TOM1: variants seen among roughly 807,000 people sequenced by gnomAD.
TOM1 encodes the protein target of myb1 membrane trafficking protein.
A neutral mutation model predicts 61.3 loss-of-function variants in TOM1; 38 were observed. The ratio of observed to expected loss-of-function variants is 0.62; its 90% CI spans 0.48 to 0.81. The LOEUF (loss-of-function observed/expected upper bound fraction) is 0.81. Ranked by LOEUF, TOM1 falls within the 40% of genes least tolerant of loss-of-function variation. TOM1 has a pLI of 0.00. For synonymous variants in TOM1, 270 were observed against 268.8 expected (o/e 1.00, Z -0.04); for missense variants, 591 against 659.6 (o/e 0.90, Z 1.14).
chr22:35,323,032 T>C lies in TOM1; in HGVS notation c.221T>C (p.Leu74Ser). The C allele has an allele frequency of 6.2e-7, 1 of 1,614,026 alleles. No homozygotes were observed. Among genetic ancestry groups the C allele is most frequent in the Non-Finnish European group, 8.5e-7 (1 of 1,180,020 alleles). Residue 74 changes from leucine (L) to serine (S), a missense_variant, in exon 4 of 15, where the codon TTA becomes TCA. By Grantham distance (145) the Leu-to-Ser change is moderately radical (BLOSUM62 -2). Coordinates refer to ENST00000449058, the MANE Select transcript of TOM1 (RefSeq NM_005488.3). This position sits in a 1 kb window ranked among gnomAD's most constrained non-coding sequence, Gnocchi z 4.2. ...CGGCACCTCTCGGCCCTCCAGGTCTTAGAAACCTGTGTCAAGAACTGCGGG... is the reference window on the plus strand; with the variant it reads ...CGGCACCTCTCGGCCCTCCAGGTCTCAGAAACCTGTGTCAAGAACTGCGGG... ...FHEVMLALTV[L>S]ETCVKNCGHR...
chr22:35,313,960 G>A (rs1927064431), intron 1 of TOM1, among the ~76,000 whole-genome samples: 1 of 152,242 alleles, frequency 6.6e-6, no homozygotes. Context: ...CATTCTCTTG[G>A]TAACTGGCAA....
intron 2 of TOM1, among the ~76,000 whole-genome samples, chr22:35,320,454 C>T (rs1188264513): frequency 6.6e-6 from 1 of 152,082 alleles, no homozygotes; most frequent in African/African-American, 2.4e-5. Flanking sequence ...ACACCGTGAC[C>T]CCTAGGCTTC....
At chr22:35,313,112 C>G (rs1435589036) in intron 1 of TOM1, among the ~76,000 whole-genome samples, 1 of 152,020 alleles carries the variant, frequency 6.6e-6, no homozygotes, top group Non-Finnish European at 1.5e-5. Flanking sequence ...TTTGGGAGGC[C>G]AAGGCGGGTG....
Position 35,340,601 on chromosome 22 carries a change from T to G in TOM1, c.1224+1813T>G, listed in dbSNP as rs5995089. On this transcript the variant is annotated intron_variant, in intron 12 of 14. Coordinates refer to ENST00000449058, the MANE Select transcript of TOM1 (RefSeq NM_005488.3). ...ATCTCTACAAAATATTTAAAAATTATCCGGGCATGGTGGCGCACACCTTTA... is the reference window on the plus strand; with the variant it reads ...ATCTCTACAAAATATTTAAAAATTAGCCGGGCATGGTGGCGCACACCTTTA... 8.2e-4 allele frequency among the ~76,000 whole-genome samples: 125 copies of G among 152,066 alleles called. 1 individual carries two copies. Among genetic ancestry groups the G allele is most frequent in the African/African-American group, 2.8e-3 (118 of 41,468 alleles).
intron 8 of TOM1, chr22:35,331,504 G>A (rs1245528653): frequency 6.1e-6 from 2 of 330,536 alleles, no homozygotes; most frequent in African/African-American, 4.4e-5. Context: ...GGGTATGGGA[G>A]AGGGCCCTTT....
intron 1 of TOM1, among the ~76,000 whole-genome samples, chr22:35,308,693 C>T (rs1926561786): frequency 6.6e-6 from 1 of 152,198 alleles, no homozygotes; most frequent in South Asian, 2.1e-4. Flanking sequence ...AAAACAAATG[C>T]CATCTGTACC....
intron 12 of TOM1, among the ~76,000 whole-genome samples, chr22:35,340,292 G>A (rs1929768382): frequency 6.6e-6 from 1 of 152,192 alleles, no homozygotes; most frequent in Non-Finnish European, 1.5e-5. Context: ...CATGGGGTTG[G>A]GGGTAGGAAG....
chr22:35,317,957 G>A lies in TOM1; in HGVS notation c.133G>A (p.Glu45Lys). Residue 45 changes from glutamate to lysine, a missense_variant, in exon 2 of 15, where the codon GAA becomes AAA. Coordinates refer to ENST00000449058, the MANE Select transcript of TOM1 (RefSeq NM_005488.3). Reference protein sequence around the residue: ...EICDIINETEEGPKDALRAVK... With the variant: ...EICDIINETEKGPKDALRAVK... ...CTGCGACATCATCAACGAGACGGAG[G>A]AAGGGTAAGGGCCCCCCAAGGAGAG... 6.2e-7 allele frequency: 1 copy of A among 1,613,990 alleles called. No homozygotes were observed. Among genetic ancestry groups the A allele is most frequent in the Non-Finnish European group, 8.5e-7 (1 of 1,179,876 alleles).
intron 1 of TOM1, among the ~76,000 whole-genome samples, chr22:35,303,429 A>T (rs1409028051): frequency 6.6e-6 from 1 of 151,576 alleles, no homozygotes; most frequent in Non-Finnish European, 1.5e-5. Context: ...GTCCTCTGAG[A>T]GTGTCTCGCA....
intron 3 of TOM1, chr22:35,322,551 C>T (rs1927888993): frequency 5.2e-6 from 1 of 190,708 alleles, no homozygotes; most frequent in South Asian, 1.2e-4. Context: ...GTCCCACCCT[C>T]CTCCACAAGC....
At chr22:35,315,067 G>A (rs1207611882) in intron 1 of TOM1, among the ~76,000 whole-genome samples, 3 of 152,204 alleles carry the variant, frequency 2.0e-5, no homozygotes, top group African/African-American at 7.2e-5. Context: ...GGGCAGGAAG[G>A]ACACTGTCAT....
intron 1 of TOM1, among the ~76,000 whole-genome samples, chr22:35,312,926 G>A (rs1376174791): frequency 6.6e-6 from 1 of 152,222 alleles, no homozygotes; most frequent in Non-Finnish European, 1.5e-5. Flanking sequence ...GGAGGTGACA[G>A]TGCAGGCCTG....
At chr22:35,308,905 T>C (rs977664474) in intron 1 of TOM1, among the ~76,000 whole-genome samples, 1 of 152,062 alleles carries the variant, frequency 6.6e-6, no homozygotes, top group South Asian at 2.1e-4. Context: ...TTAAAAAAAA[T>C]ACAGGGGAGA....
At chr22:35,333,698 G>A (rs560411674) in intron 10 of TOM1, among the ~76,000 whole-genome samples, 5 of 152,092 alleles carry the variant, frequency 3.3e-5, no homozygotes, top group East Asian at 1.9e-4. Flanking sequence ...GTCCTGAGCC[G>A]CCTTGGATCT....
chr22:35,310,101 G>GT (rs1370270501), intron 1 of TOM1, among the ~76,000 whole-genome samples: 2 of 152,256 alleles, frequency 1.3e-5, no homozygotes, highest in African/African-American at 4.8e-5. Context: ...AATGTGGCGT[G>GT]TGGGTTCCCA....
chr22:35,334,455 G>A lies in TOM1; in HGVS notation c.1148+7G>A, dbSNP rs1483999015. 3 of 1,613,784 alleles carry A rather than the reference G, an allele frequency of 1.9e-6. No individual in the cohort carries two copies. The highest frequency in any genetic ancestry group is 4.5e-5 in the East Asian group (2 of 44,884). ...TGGCTGACCAACGGAAAGAGTGAGT[G>A]GCCTGGCCCTGCCCTGGTCCCCTGC... On this transcript the variant is annotated splice_region_variant and intron_variant, in intron 11 of 14. Transcript: ENST00000449058.
chr22:35,317,747 C>A, intron 1 of TOM1, 130 bp from the exon 2 acceptor site: 1 of 697,992 alleles, frequency 1.4e-6, no homozygotes, highest in Non-Finnish European at 2.7e-6. Flanking sequence ...GGCCCTGTGC[C>A]CAGGAAGTGT....
chr22:35,317,297 C>A (rs1371786752), intron 1 of TOM1, among the ~76,000 whole-genome samples: 1 of 152,154 alleles, frequency 6.6e-6, no homozygotes, highest in African/African-American at 2.4e-5. Context: ...TCAAACGATT[C>A]TCCTGCCTCA....
chr22:35,308,567 C>T (rs1184956262), intron 1 of TOM1, among the ~76,000 whole-genome samples: 1 of 152,144 alleles, frequency 6.6e-6, no homozygotes, highest in Admixed American at 6.5e-5. Flanking sequence ...CGGGCATGAG[C>T]TACCACAGCC....
Sources: allele counts gnomAD v4.1 joint callset (sites outside exome capture counted in the v4.1 genomes callset), GRCh38; gene constraint gnomAD v4.1.1; non-coding constraint Gnocchi (gnomAD v3.1); transcripts MANE v1.5; gene names NCBI Gene and HGNC (gene_info 2026-07-23, HGNC 2026-07-21).